The following IQCJ variants were observed in gnomAD, a reference collection of about 807,000 sequenced individuals.
IQCJ encodes the protein IQ motif containing J.
In IQCJ, 9 loss-of-function variants were observed where a neutral mutation model predicts 11.0. The ratio of observed to expected loss-of-function variants is 0.82; its 90% CI spans 0.49 to 1.43. IQCJ has a LOEUF of 1.43. Among genes scored for constraint, IQCJ ranks in the 40% most tolerant of loss-of-function variants. The pLI, the probability that IQCJ is intolerant of heterozygous loss-of-function variation, is 0.00. For synonymous variants in IQCJ, 55 were observed against 51.3 expected, an observed-to-expected ratio of 1.07 and a Z score of -0.31; for missense variants, 146 against 133.2, an observed-to-expected ratio of 1.10 and a Z score of -0.47.
At chr3:159,256,714 C>A (rs1235781531) in intron 3 of IQCJ, among the ~76,000 whole-genome samples, 1 of 152,170 alleles carries the variant, frequency 6.6e-6, no homozygotes, top group African/African-American at 2.4e-5. Context: ...TGTATTTTTT[C>A]CATGCAAACA....
intron 2 of IQCJ, among the ~76,000 whole-genome samples, chr3:159,248,041 T>G (rs1373462120): frequency 1.3e-5 from 2 of 152,182 alleles, no homozygotes; most frequent in African/African-American, 4.8e-5. Flanking sequence ...CCTGGAAAAT[T>G]GAAAACTTTG....
intron 1 of IQCJ, among the ~76,000 whole-genome samples, chr3:159,189,607 C>G (rs534572486): frequency 6.6e-6 from 1 of 152,136 alleles, no homozygotes; most frequent in Non-Finnish European, 1.5e-5. Context: ...GCCCTAGGGT[C>G]GTTTTAGTGG....
rs150468541 is a variant in IQCJ at position 159,199,533 on chromosome 3, A to G, written c.10-46310A>G. 9.1e-3 allele frequency among the ~76,000 whole-genome samples: 1,385 copies of G among 152,324 alleles called. 13 individuals carry two copies. Among genetic ancestry groups the G allele is most frequent in the Non-Finnish European group, 0.014 (979 of 68,026 alleles). On this transcript the variant is annotated intron_variant, in intron 1 of 3. Transcript: ENST00000397832. ...GAATAAATTTGTGTTGTTTTAAACT[A>G]CTAAGTTTGTGGCAGTTTATTACAG...
At chr3:159,255,621 G>T (rs1560044683) in intron 3 of IQCJ, among the ~76,000 whole-genome samples, 1 of 152,194 alleles carries the variant, frequency 6.6e-6, no homozygotes, top group Non-Finnish European at 1.5e-5. Context: ...ATGTGTGAGT[G>T]TCGGGGAGGG....
chr3:159,187,982 GGTCA>G (rs1211900923), intron 1 of IQCJ, among the ~76,000 whole-genome samples: 1 of 152,122 alleles, frequency 6.6e-6, no homozygotes, highest in Non-Finnish European at 1.5e-5. Context: ...GCTGGGCATG[GGTCA>G]GTCCACCCAA....
intron 1 of IQCJ, among the ~76,000 whole-genome samples, chr3:159,121,512 C>T (rs147267463): frequency 2.0e-4 from 30 of 152,228 alleles, no homozygotes; most frequent in Non-Finnish European, 5.9e-5. Flanking sequence ...TTTGATAATT[C>T]AGAAATTTCA....
chr3:159,194,193 A>G (rs946254814), intron 1 of IQCJ, among the ~76,000 whole-genome samples: 3 of 152,196 alleles, frequency 2.0e-5, no homozygotes. Context: ...CAGATATGAA[A>G]TTGATGAAAA....
At chr3:159,176,252 C>T (rs965924718) in intron 1 of IQCJ, among the ~76,000 whole-genome samples, 2 of 151,794 alleles carry the variant, frequency 1.3e-5, no homozygotes, top group Non-Finnish European at 2.9e-5. Context: ...CACTTGTTTA[C>T]AGTACCTTTT....
At chr3:159,084,742 C>A (rs1054318207) in intron 1 of IQCJ, among the ~76,000 whole-genome samples, 2 of 151,972 alleles carry the variant, frequency 1.3e-5, no homozygotes, top group African/African-American at 4.8e-5. Context: ...GGAATATGAT[C>A]ATTTCAAGTT....
chr3:159,167,774 G>T (rs1396390843), intron 1 of IQCJ, among the ~76,000 whole-genome samples: 3 of 152,128 alleles, frequency 2.0e-5, no homozygotes, highest in Non-Finnish European at 4.4e-5. Context: ...TAGCTCATTT[G>T]TATCTACAAA....
Position 159,181,773 on chromosome 3 carries a change from A to G in IQCJ, c.10-64070A>G, listed in dbSNP as rs143025492. Reference sequence around the variant, plus strand: ...CTTTTCCACCTCTCTAATCTGTCCAATTCTGTGTTCCTATTGTGACTGCCC... The same window carrying G: ...CTTTTCCACCTCTCTAATCTGTCCAGTTCTGTGTTCCTATTGTGACTGCCC... On this transcript the variant is annotated intron_variant, in intron 1 of 3. Coordinates refer to ENST00000397832, the MANE Select transcript of IQCJ (RefSeq NM_001042706.3). Among the ~76,000 whole-genome samples, 982 of 151,718 alleles carry G rather than the reference A, an allele frequency of 6.5e-3. 16 individuals carry two copies. The highest frequency in any genetic ancestry group is 0.023 in the African/African-American group (927 of 41,182).
At chr3:159,220,648 CA>C (rs1224531079) in intron 1 of IQCJ, among the ~76,000 whole-genome samples, 3 of 152,104 alleles carry the variant, frequency 2.0e-5, no homozygotes, top group Non-Finnish European at 2.9e-5. Flanking sequence ...GGAGACACTC[CA>C]GAAAGTGGCT....
At chr3:159,106,854 G>T (rs1559987454) in intron 1 of IQCJ, among the ~76,000 whole-genome samples, 1 of 152,114 alleles carries the variant, frequency 6.6e-6, no homozygotes, top group Non-Finnish European at 1.5e-5. Flanking sequence ...ATGGCTCACA[G>T]AACTATTCTA....
intron 1 of IQCJ, among the ~76,000 whole-genome samples, chr3:159,082,283 G>A (rs1056758369): frequency 1.3e-5 from 2 of 151,436 alleles, no homozygotes; most frequent in African/African-American, 4.8e-5. Flanking sequence ...ACTGATTATG[G>A]CCTAGATTGT....
chr3:159,170,415 T>A (rs1462546717), intron 1 of IQCJ, among the ~76,000 whole-genome samples: 1 of 152,200 alleles, frequency 6.6e-6, no homozygotes, highest in Non-Finnish European at 1.5e-5. Flanking sequence ...ATGTAAATAA[T>A]TTTTGAAGAT....
chr3:159,151,408 C>A (rs1373896645), intron 1 of IQCJ, among the ~76,000 whole-genome samples: 4 of 152,194 alleles, frequency 2.6e-5, no homozygotes, highest in East Asian at 3.9e-4. Flanking sequence ...CTGTCCTCAG[C>A]ACTGCTGTTC....
intron 1 of IQCJ, among the ~76,000 whole-genome samples, chr3:159,199,499 A>C (rs1309505567): frequency 6.6e-6 from 1 of 152,174 alleles, no homozygotes; most frequent in Non-Finnish European, 1.5e-5. Context: ...GAGCTCCAGA[A>C]CTGTAAAAGA....
At chr3:159,235,825 A>C (rs1191118348) in intron 1 of IQCJ, among the ~76,000 whole-genome samples, 2 of 152,212 alleles carry the variant, frequency 1.3e-5, no homozygotes, top group African/African-American at 4.8e-5. Flanking sequence ...GTCAAACAAG[A>C]ACAATGAGCT....
At chr3:159,113,392 CTG>C (rs1166314076) in intron 1 of IQCJ, among the ~76,000 whole-genome samples, 6 of 152,122 alleles carry the variant, frequency 3.9e-5, no homozygotes, top group Non-Finnish European at 7.3e-5. Flanking sequence ...TCAGCGTAGA[CTG>C]TAGATTTATC....
Sources: gnomAD v4.1 joint callset for allele counts (sites outside exome capture counted in the v4.1 genomes callset) on GRCh38, gnomAD v4.1.1 for gene constraint, MANE v1.5 for transcripts, NCBI Gene and HGNC (gene_info 2026-07-23, HGNC 2026-07-21) for gene names.